The following ZBTB40 variants were observed in gnomAD, a reference collection of about 807,000 sequenced individuals.
ZBTB40 encodes the protein zinc finger and BTB domain-containing protein 40.
A neutral mutation model predicts 117.5 loss-of-function variants in ZBTB40; 60 were observed. The observed-to-expected ratio is 0.51, with a 90% CI of 0.41 to 0.63. The LOEUF (loss-of-function observed/expected upper bound fraction) is 0.63. ZBTB40 is among the 30% of genes least tolerant of loss of function. ZBTB40 has a pLI of 0.00. For synonymous variants in ZBTB40, 525 were observed against 577.1 expected (o/e 0.91, Z 1.29); for missense variants, 1,287 against 1,498.5 (o/e 0.86, Z 2.33).
At chr1:22,474,558 CT>C (rs34537414) in intron 1 of ZBTB40, among the ~76,000 whole-genome samples, 1 of 152,182 alleles carries the variant, frequency 6.6e-6, no homozygotes, top group Non-Finnish European at 1.5e-5. Flanking sequence ...TTTAAGTCAT[CT>C]TTTTGTGTGT....
At chr1:22,489,236 A>G (rs748463623) in intron 1 of ZBTB40, among the ~76,000 whole-genome samples, 20 of 152,186 alleles carry the variant, frequency 1.3e-4, no homozygotes, top group Admixed American at 2.6e-4. Flanking sequence ...CTATGGAATC[A>G]GAAGAGAGGG....
intron 1 of ZBTB40, among the ~76,000 whole-genome samples, chr1:22,469,424 A>C (rs1641345293): frequency 6.6e-6 from 1 of 152,196 alleles, no homozygotes; most frequent in Admixed American, 6.5e-5. Flanking sequence ...GCCTCAAGCC[A>C]TTCTCTTGTG....
chr1:22,503,611 GCACA>G (rs34221585), intron 5 of ZBTB40, among the ~76,000 whole-genome samples: 2 of 150,052 alleles, frequency 1.3e-5, no homozygotes, highest in African/African-American at 2.4e-5. Context: ...ATGTGCGCAC[GCACA>G]CACACACACA....
chr1:22,433,287 G>A (rs981963832), intron 1 of ZBTB40, among the ~76,000 whole-genome samples: 6 of 151,292 alleles, frequency 4.0e-5, no homozygotes, highest in South Asian at 2.1e-4. Flanking sequence ...CAAAAAATTA[G>A]CTAGGTGTGG....
intron 1 of ZBTB40, among the ~76,000 whole-genome samples, chr1:22,431,991 AAT>A (rs1278570263): frequency 6.6e-6 from 1 of 152,098 alleles, no homozygotes; most frequent in African/African-American, 2.4e-5. Flanking sequence ...TAAAAAAAAA[AAT>A]ATATTGAAAC....
At chr1:22,456,330 G>T (rs996551318) in intron 1 of ZBTB40, among the ~76,000 whole-genome samples, 3 of 152,062 alleles carry the variant, frequency 2.0e-5, no homozygotes, top group African/African-American at 7.2e-5. Context: ...CCCTAATGTT[G>T]TTATTTAACT....
intron 17 of ZBTB40, among the ~76,000 whole-genome samples, chr1:22,524,697 G>A (rs541669867): frequency 1.3e-4 from 20 of 152,294 alleles, no homozygotes; most frequent in African/African-American, 3.1e-4. Context: ...CAGTGCATAC[G>A]TCCCTGCCTC....
chr1:22,469,374 C>T (rs546446083), intron 1 of ZBTB40, among the ~76,000 whole-genome samples: 22 of 151,922 alleles, frequency 1.4e-4, no homozygotes, highest in Admixed American at 4.6e-4. Flanking sequence ...GGTGTCTGTT[C>T]GCAGGTGTGA....
rs1199155049 is a variant in ZBTB40 at position 22,502,430 on chromosome 1, A to T, written c.1156A>T (p.Thr386Ser). 6.2e-7 allele frequency: 1 copy of T among 1,614,092 alleles called. No homozygotes were observed. Among genetic ancestry groups the T allele is most frequent in the Non-Finnish European group, 8.5e-7 (1 of 1,179,954 alleles). Residue 386 changes from threonine to serine, a missense_variant, in exon 5 of 18, where the codon ACT becomes TCT. By Grantham distance (58) the Thr-to-Ser change is moderately conservative. Coordinates refer to ENST00000375647, the MANE Select transcript of ZBTB40 (RefSeq NM_014870.4). ...AGCCAAGGAGGAATTCCTGACTGGC[A>T]CTGAAAAAAGGGTAACTGTGTCAAG... ...ETAKEEFLTGTEKRVILNCCE... is the reference protein window; with the variant it reads ...ETAKEEFLTGSEKRVILNCCE...
chr1:22,431,384 G>GTGTGTATATATA (rs1222294324), intron 1 of ZBTB40, among the ~76,000 whole-genome samples: 34 of 119,696 alleles, frequency 2.8e-4, no homozygotes, highest in African/African-American at 1.2e-3. Flanking sequence ...GTGTGTGTGT[G>GTGTGTATATATA]TATATATATA....
chr1:22,510,695 G>A (rs4655072), intron 9 of ZBTB40, among the ~76,000 whole-genome samples: 60,791 of 151,954 alleles, frequency 0.4, 12,869 homozygotes, highest in African/African-American at 0.51. Context: ...AGAAAATGAC[G>A]TTTAAATGGG....
chr1:22,523,651 A>C lies in ZBTB40; in HGVS notation c.3299-567A>C, dbSNP rs116639141. On this transcript the variant is annotated intron_variant, in intron 16 of 17. Transcript: ENST00000375647. Reference sequence around the variant, plus strand: ...GCTTTGGGAATATAGCTAACCTTTCATCACTTACTTCCTCCCTTCTAAACC... The same window carrying C: ...GCTTTGGGAATATAGCTAACCTTTCCTCACTTACTTCCTCCCTTCTAAACC... 3.2e-3 allele frequency among the ~76,000 whole-genome samples: 492 copies of C among 152,296 alleles called. 4 individuals carry two copies. The highest frequency in any genetic ancestry group is 0.011 in the African/African-American group (452 of 41,566).
intron 1 of ZBTB40, among the ~76,000 whole-genome samples, chr1:22,437,118 AC>A (rs1640679871): frequency 6.6e-6 from 1 of 152,214 alleles, no homozygotes. Context: ...TAAAAGCCAA[AC>A]AAACTAAACA....
chr1:22,517,454 C>T lies in ZBTB40; in HGVS notation c.2823C>T (p.His941=). 3 of 1,613,900 alleles carry T rather than the reference C, an allele frequency of 1.9e-6. No individual in the cohort carries two copies. The highest frequency in any genetic ancestry group is 2.5e-6 in the Non-Finnish European group (3 of 1,179,980). Residue 941 remains histidine (H), a synonymous_variant, in exon 13 of 18, where the codon CAC becomes CAT. Transcript: ENST00000375647. ...RQANGLSIHL[H]TFHNIEDPYD... ...CCAATGGCCTCTCCATCCATCTGCA[C>T]ACCTTTCACAGTATGTAGAGACTGT...
At chr1:22,486,903 T>A (rs529383394) in intron 1 of ZBTB40, among the ~76,000 whole-genome samples, 1 of 152,120 alleles carries the variant, frequency 6.6e-6, no homozygotes, top group South Asian at 2.1e-4. Context: ...CCTGACTAAT[T>A]TGTGTAATTT....
At chr1:22,511,630 T>C in intron 10 of ZBTB40, 46 bp from the exon 11 acceptor site, 1 of 1,594,158 alleles carries the variant, frequency 6.3e-7, no homozygotes, top group Non-Finnish European at 8.5e-7. Flanking sequence ...TAAAGCAAAA[T>C]AGAAACAGAG....
At chr1:22,459,855 T>C (rs1344346744) in intron 1 of ZBTB40, among the ~76,000 whole-genome samples, 1 of 152,248 alleles carries the variant, frequency 6.6e-6, no homozygotes, top group Non-Finnish European at 1.5e-5. Flanking sequence ...TTTCATTTGC[T>C]CAAAGCTACT....
chr1:22,491,984 C>T (rs1464457932), intron 3 of ZBTB40, among the ~76,000 whole-genome samples: 1 of 152,200 alleles, frequency 6.6e-6, no homozygotes, highest in East Asian at 1.9e-4. Context: ...TGGCCATTTT[C>T]AGACATAAAA....
intron 1 of ZBTB40, among the ~76,000 whole-genome samples, chr1:22,483,998 G>A (rs1638399108): frequency 6.6e-6 from 1 of 152,168 alleles, no homozygotes; most frequent in East Asian, 1.9e-4. Flanking sequence ...ATCACTTGTT[G>A]AAAAGATACT....
Sources: allele counts gnomAD v4.1 joint callset (sites outside exome capture counted in the v4.1 genomes callset), GRCh38; gene constraint gnomAD v4.1.1; transcripts MANE v1.5; gene names NCBI Gene and HGNC (gene_info 2026-07-23, HGNC 2026-07-21).